ZPBP: variants seen among roughly 807,000 people sequenced by gnomAD.
ZPBP encodes zona pellucida-binding protein 1.
In ZPBP, 26 loss-of-function variants were observed where a neutral mutation model predicts 44.8. That is an observed-to-expected ratio of 0.58 (90% confidence interval 0.43 to 0.81). The LOEUF is 0.81. ZPBP is among the 30% of genes least tolerant of loss of function. ZPBP has a pLI of 0.00. For synonymous variants in ZPBP, 174 were observed against 153.2 expected (o/e 1.14, Z -1.00); for missense variants, 409 against 434.0 (o/e 0.94, Z 0.51).
intron 6 of ZPBP, among the ~76,000 whole-genome samples, chr7:50,005,112 T>C (rs1159419348): frequency 6.7e-6 from 1 of 150,236 alleles, no homozygotes; most frequent in East Asian, 1.9e-4. Context: ...GGCCAGAAGA[T>C]AGTAGGATGA....
At chr7:49,904,462 G>A (rs1792967656) in intron 1 of ZPBP, among the ~76,000 whole-genome samples, 1 of 152,174 alleles carries the variant, frequency 6.6e-6, no homozygotes, top group Admixed American at 6.5e-5. Context: ...AAATGCACAT[G>A]CATGTAGATA....
chr7:49,990,908 G>C (rs1164111928), intron 6 of ZPBP, among the ~76,000 whole-genome samples: 1 of 152,124 alleles, frequency 6.6e-6, no homozygotes, highest in Non-Finnish European at 1.5e-5. Context: ...CAAGAAGGCA[G>C]CAACTAGCAT....
At chr7:50,070,840 C>T (rs1201968368) in intron 3 of ZPBP, among the ~76,000 whole-genome samples, 2 of 152,116 alleles carry the variant, frequency 1.3e-5, no homozygotes, top group Non-Finnish European at 2.9e-5. Flanking sequence ...CAAGGAAAAA[C>T]ATGTTTTACG....
At chr7:49,910,717 T>C (rs190461800) in intron 1 of ZPBP, among the ~76,000 whole-genome samples, 3 of 152,354 alleles carry the variant, frequency 2.0e-5, no homozygotes, top group Non-Finnish European at 4.4e-5. Context: ...TGATATATTA[T>C]AGCTGATATA....
At position 49,983,380 on chromosome 7, in the gene ZPBP, AT is replaced by A; in HGVS notation, c.922del (p.Met308Ter). On this transcript the variant is annotated frameshift_variant, in exon 7 of 8. Transcript: ENST00000046087. LOFTEE classifies it high-confidence loss of function. ...ACATTTTGGATGTTGCTGGACATTC[AT>A]TCCATATCCTGGAAAGCAGCGATTA... Reference protein sequence around the residue: ...WINRCFPGYGMNVQQHPKCPE... With the variant: ...WINRCFPGYGXNVQQHPKCPE... 2.5e-6 allele frequency: 4 copies of A among 1,613,552 alleles called. No homozygotes were observed. Among genetic ancestry groups the A allele is most frequent in the Non-Finnish European group, 3.4e-6 (4 of 1,179,672 alleles).
intron 2 of ZPBP, among the ~76,000 whole-genome samples, chr7:49,887,238 C>T (rs1791942810): frequency 6.6e-6 from 1 of 152,198 alleles, no homozygotes; most frequent in Admixed American, 6.5e-5. Flanking sequence ...CTGACACACA[C>T]TTATTTATTA....
chr7:50,008,684 A>G (rs555123000), intron 6 of ZPBP, among the ~76,000 whole-genome samples: 6 of 152,232 alleles, frequency 3.9e-5, no homozygotes, highest in African/African-American at 1.4e-4. Flanking sequence ...AGACCAATGG[A>G]ACAGAATACA....
chr7:50,047,871 G>T (rs1429292861), intron 4 of ZPBP, among the ~76,000 whole-genome samples: 1 of 152,104 alleles, frequency 6.6e-6, no homozygotes, highest in Non-Finnish European at 1.5e-5. Flanking sequence ...AGGCCCAGTG[G>T]GTGGAGTGCG....
At chr7:49,996,419 G>A (rs559261112) in intron 6 of ZPBP, among the ~76,000 whole-genome samples, 37 of 152,218 alleles carry the variant, frequency 2.4e-4, no homozygotes, top group African/African-American at 7.9e-4. Flanking sequence ...AGGGCCACAG[G>A]GACATTTTGA....
intron 2 of ZPBP, among the ~76,000 whole-genome samples, chr7:49,877,458 G>C (rs1791460256): frequency 6.1e-5 from 1 of 16,290 alleles, no homozygotes; most frequent in African/African-American, 2.3e-4. Context: ...AAGAAACTCT[G>C]TCTCAAAAAA....
At position 50,089,706 on chromosome 7, in the gene ZPBP, C is replaced by T; in HGVS notation, c.131G>A (p.Gly44Glu). The T allele has an allele frequency of 6.2e-7, 1 of 1,608,300 alleles. No homozygotes were observed. The highest frequency in any genetic ancestry group is 8.5e-7 in the Non-Finnish European group (1 of 1,176,458). The stretch of plus-strand genomic sequence containing the variant: ...AGCTCTTGGTAATCGAACCAAGTGT[C>T]CAACTATCAAAAAAAAAGATCAACA... The part of the protein sequence containing the change: ...AFLVRVPSSV[G>E]HLVRLPRAFR... The change falls in exon 2 of 8, where the codon GGA (glycine) becomes GAA (glutamate). Residue 44 changes from glycine to glutamate, a missense_variant. Gly to Glu is a moderately conservative substitution (Grantham distance 98). This residue lies in a region of ZPBP where 367 missense variants were observed against 363.1 expected (regional missense o/e 1.01). Coordinates refer to ENST00000046087, the MANE Select transcript of ZPBP (RefSeq NM_007009.3).
At chr7:49,925,935 T>C (rs749702873) in intron 1 of ZPBP, among the ~76,000 whole-genome samples, 7 of 152,216 alleles carry the variant, frequency 4.6e-5, no homozygotes, top group Non-Finnish European at 1.0e-4. Flanking sequence ...GTATGATTGT[T>C]GTGGGTAATT....
chr7:50,058,691 T>A (rs1289148342), intron 3 of ZPBP, among the ~76,000 whole-genome samples: 2 of 151,868 alleles, frequency 1.3e-5, no homozygotes, highest in Non-Finnish European at 2.9e-5. Context: ...GAAAAAAAAA[T>A]ATTGGATATG....
At chr7:49,920,088 G>A (rs1793952437) in intron 1 of ZPBP, 1 of 151,912 alleles carries the variant, frequency 6.6e-6, no homozygotes, top group African/African-American at 2.4e-5. Context: ...GACAAATCAT[G>A]TTATTATAAT....
intron 2 of ZPBP, among the ~76,000 whole-genome samples, chr7:49,854,049 C>CT (rs572763437): frequency 6.6e-6 from 1 of 151,870 alleles, no homozygotes; most frequent in Non-Finnish European, 1.5e-5. Flanking sequence ...TGAACTCATC[C>CT]TTTTTTATGG....
At chr7:49,859,879 GA>G (rs1790583248) in intron 2 of ZPBP, among the ~76,000 whole-genome samples, 1 of 151,950 alleles carries the variant, frequency 6.6e-6, no homozygotes, top group South Asian at 2.1e-4. Context: ...TCAACACAGG[GA>G]AAACTAAGAA....
At chr7:50,035,279 T>G (rs1260565228) in intron 4 of ZPBP, among the ~76,000 whole-genome samples, 1 of 152,230 alleles carries the variant, frequency 6.6e-6, no homozygotes, top group African/African-American at 2.4e-5. Context: ...CATAAACTTC[T>G]GCCACTTTCT....
At chr7:50,033,867 A>T (rs1461192860) in intron 4 of ZPBP, among the ~76,000 whole-genome samples, 1 of 151,688 alleles carries the variant, frequency 6.6e-6, no homozygotes, top group East Asian at 1.9e-4. Context: ...TAATTTTTGT[A>T]TTTTTAGTAG....
At chr7:49,975,919 G>C (rs1466708346) in intron 7 of ZPBP, among the ~76,000 whole-genome samples, 1 of 152,022 alleles carries the variant, frequency 6.6e-6, no homozygotes, top group Non-Finnish European at 1.5e-5. Context: ...TTTCCAACTT[G>C]GCTTCTTTTG....
Sources: gnomAD v4.1 joint callset for allele counts (sites outside exome capture counted in the v4.1 genomes callset) on GRCh38, gnomAD v4.1.1 for gene constraint, gnomAD v4.1.1 regional missense constraint, MANE v1.5 for transcripts, NCBI Gene and HGNC (gene_info 2026-07-23, HGNC 2026-07-21) for gene names.